Variants in KIF19 observed in about 807,000 individuals in gnomAD.
KIF19 encodes the protein kinesin-like protein KIF19.
KIF19 carries 98 observed loss-of-function variants against 106.6 expected under a neutral mutation model. That is an observed-to-expected ratio of 0.92 (90% CI 0.78 to 1.09). The LOEUF is 1.09. KIF19 is among the 50% of genes least tolerant of loss of function. The pLI is 0.00. For synonymous variants in KIF19, 516 were observed against 584.2 expected, an observed-to-expected ratio of 0.88 and a Z score of 1.68; for missense variants, 1,373 against 1,414.3, an observed-to-expected ratio of 0.97 and a Z score of 0.47.
chr17:74,350,846 G>A lies in KIF19; in HGVS notation c.1528G>A (p.Ala510Thr), dbSNP rs748936194. The A allele has an allele frequency of 3.2e-5, 52 of 1,613,904 alleles. No individual in the cohort carries two copies. Among genetic ancestry groups the A allele is most frequent in the Non-Finnish European group, 3.8e-5 (45 of 1,179,906 alleles). The change falls in exon 12 of 20, where the codon GCA (alanine) becomes ACA (threonine). Residue 510 changes from alanine (A) to threonine (T), a missense_variant. By Grantham distance (58) the Ala-to-Thr change is moderately conservative. Coordinates refer to ENST00000389916, the MANE Select transcript of KIF19 (RefSeq NM_153209.4). ...PDILEPPEVA[A>T]ARESIAALVD... ...CATCCTGGAGCCACCCGAGGTGGCC[G>A]CAGCCCGGGAGAGCATTGCAGCCCT...
intron 8 of KIF19, among the ~76,000 whole-genome samples, chr17:74,347,099 T>G (rs2054553942): frequency 6.6e-6 from 1 of 152,210 alleles, no homozygotes; most frequent in South Asian, 2.1e-4. Flanking sequence ...CTCACACTAG[T>G]AAGTGCTGAA....
At chr17:74,351,110 C>T in intron 12 of KIF19, 1 of 596,646 alleles carries the variant, frequency 1.7e-6, no homozygotes, top group Non-Finnish European at 3.0e-6. Flanking sequence ...ATGGTGCAGC[C>T]CTCATGGGGT....
rs867199167 is a variant in KIF19 at position 74,354,924 on chromosome 17, C to A, written c.2849C>A (p.Pro950His). ...CTACCTTTGGCCAAAGTCAAACTCC[C>A]TCCAAGCCAGAACACGGGTCAGTAT... ...VTLPLAKVKL[P>H]PSQNTGPGDS... The change falls in exon 19 of 20, where the codon CCT becomes CAT. Residue 950 changes from proline (P) to histidine (H), a missense_variant. Around this residue, in one of 3 missense-constraint regions of KIF19, gnomAD observed 1,020 missense variants for 1,008.2 expected, o/e 1.01. Transcript: ENST00000389916. 6.3e-7 allele frequency: 1 copy of A among 1,579,286 alleles called. No individual in the cohort carries two copies. Among genetic ancestry groups the A allele is most frequent in the South Asian group, 1.2e-5 (1 of 86,036 alleles).
At position 74,339,487 on chromosome 17, in the gene KIF19, C is replaced by T. The variant is rs796892665; in HGVS notation, c.121-2389C>T. Among the ~76,000 whole-genome samples, 4 of 149,620 alleles carry T rather than the reference C, an allele frequency of 2.7e-5. No individual in the cohort carries two copies. The East Asian group carries it at 7.9e-4, about 30-fold the overall frequency. On this transcript the variant is annotated intron_variant, in intron 2 of 19. Transcript: ENST00000389916. ...CCACTGAAAGAGGGGACCGATGAGA[C>T]ACCCATTCCCTACCTCCCTCGCCCC...
chr17:74,355,068 A>G, intron 19 of KIF19, 114 bp from the exon 20 acceptor site: 1 of 1,538,788 alleles, frequency 6.5e-7, no homozygotes, highest in Middle Eastern at 1.7e-4. Flanking sequence ...CAGAATACTC[A>G]TGGGACTGGC....
At chr17:74,343,736 G>A (rs535249044) in intron 5 of KIF19, among the ~76,000 whole-genome samples, 1 of 152,346 alleles carries the variant, frequency 6.6e-6, no homozygotes, top group African/African-American at 2.4e-5. Flanking sequence ...ACCAGCAGCT[G>A]CTGGCCAACA....
At chr17:74,347,476 G>A (rs1012233012) in intron 8 of KIF19, among the ~76,000 whole-genome samples, 13 of 151,430 alleles carry the variant, frequency 8.6e-5, no homozygotes, top group African/African-American at 2.9e-4. Flanking sequence ...GGTGGAGGTT[G>A]CAGTGAGCTG....
At chr17:74,344,429 GGGAGCTGCTCCCCACTCGGCTGA>G in intron 6 of KIF19, 81 bp downstream of exon 6, 1 of 1,546,548 alleles carries the variant, frequency 6.5e-7, no homozygotes, top group Non-Finnish European at 8.7e-7. Flanking sequence ...ACAGAAGCCA[GGGAGCTGCTCCCCACTCGGCTGA>G]GGCTGGGACA....
chr17:74,354,555 A>G lies in KIF19; in HGVS notation c.2702A>G (p.Gln901Arg). 6.3e-7 allele frequency: 1 copy of G among 1,593,432 alleles called. No individual in the cohort carries two copies. The highest frequency in any genetic ancestry group is 8.5e-7 in the Non-Finnish European group (1 of 1,171,402). The change falls in exon 18 of 20, where the codon CAA becomes CGA. Residue 901 changes from glutamine (Q) to arginine (R), a missense_variant. Physicochemically the swap from Gln to Arg is conservative, Grantham distance 43. This residue lies in a region of KIF19 where 1,020 missense variants were observed against 1,008.2 expected (regional missense o/e 1.01). Coordinates refer to ENST00000389916, the MANE Select transcript of KIF19 (RefSeq NM_153209.4). ...TCCCGATCCTTCGAGGTCACCGGGC[A>G]AGGGGTGAGGCGAGGCGCAGGGGTG... ...RRSRSFEVTG[Q>R]GLSHPKTHLL...
chr17:74,340,657 C>T (rs1156329290), intron 2 of KIF19, among the ~76,000 whole-genome samples: 2 of 152,250 alleles, frequency 1.3e-5, no homozygotes, highest in African/African-American at 4.8e-5. Context: ...CAGCCCAAGC[C>T]CCTCTGCCTC....
rs539788995 is a variant in KIF19 at position 74,331,522 on chromosome 17, T to G, written c.120+3017T>G. Among the ~76,000 whole-genome samples, 5 of 152,010 alleles carry G rather than the reference T, an allele frequency of 3.3e-5. 1 individual carries two copies. The South Asian group carries it at 1.0e-3, about 32-fold the overall frequency. ...GGACATTCCCACAGGCGGAGAGTCC[T>G]CTGGGACAGGAACCCAGGGTGCTTG... is the stretch of plus-strand genomic sequence containing the variant. On this transcript the variant is annotated intron_variant, in intron 2 of 19. Coordinates refer to ENST00000389916, the MANE Select transcript of KIF19 (RefSeq NM_153209.4). The surrounding 1 kb of genome is among the most constrained non-coding windows in gnomAD (Gnocchi z 4.1).
intron 5 of KIF19, 33 bp downstream of exon 5, chr17:74,343,193 G>C: frequency 6.2e-7 from 1 of 1,606,504 alleles, no homozygotes; most frequent in Non-Finnish European, 8.5e-7. Context: ...AGATGGGGCT[G>C]GCCTCCCTCC....
chr17:74,349,079 C>T (rs2054613235), intron 9 of KIF19, 105 bp from the exon 10 acceptor site: 3 of 1,178,844 alleles, frequency 2.5e-6, no homozygotes, highest in Non-Finnish European at 3.7e-6. Context: ...TACTGTCACC[C>T]AGAAAGACTG....
intron 2 of KIF19, among the ~76,000 whole-genome samples, chr17:74,339,447 TCGCCACC>T (rs1463113166): frequency 1.3e-5 from 2 of 151,044 alleles, no homozygotes; most frequent in South Asian, 2.1e-4. Context: ...CCTACCTCCC[TCGCCACC>T]TTCCCTCCCA....
intron 2 of KIF19, among the ~76,000 whole-genome samples, chr17:74,336,485 A>G (rs2054222767): frequency 6.6e-6 from 1 of 151,872 alleles, no homozygotes; most frequent in African/African-American, 2.4e-5. Flanking sequence ...GGCTCCCCCT[A>G]CTCCAATGTG....
chr17:74,336,311 G>A lies in KIF19; in HGVS notation c.121-5565G>A, dbSNP rs574660118. Among the ~76,000 whole-genome samples the A allele has an allele frequency of 1.6e-4, 24 of 152,100 alleles. 1 individual carries two copies. Among genetic ancestry groups the A allele is most frequent in the Admixed American group, 7.9e-4 (12 of 15,278 alleles). ...CTTGAACTCCTGACCTCAGGTGATC[G>A]ACCTCCCAAAGTTCTGGGATTACAG... is the stretch of plus-strand genomic sequence containing the variant. On this transcript the variant is annotated intron_variant, in intron 2 of 19. Coordinates refer to ENST00000389916, the MANE Select transcript of KIF19 (RefSeq NM_153209.4).
At chr17:74,349,447 T>C in intron 10 of KIF19, 98 bp downstream of exon 10, 1 of 1,295,300 alleles carries the variant, frequency 7.7e-7, no homozygotes, top group South Asian at 1.5e-5. Context: ...AATCGGGCTC[T>C]TTCTGGCTGG....
chr17:74,327,340 T>G (rs2053942352), intron 1 of KIF19, among the ~76,000 whole-genome samples: 1 of 152,194 alleles, frequency 6.6e-6, no homozygotes, highest in South Asian at 2.1e-4. Flanking sequence ...TGAAAATCAC[T>G]GGCCTTGGCA....
chr17:74,354,289 G>T lies in KIF19; in HGVS notation c.2436G>T (p.Leu812=), dbSNP rs781424342. ...APATERSSLS[L]HSLSEGDDAR... Reference sequence around the variant, plus strand: ...CGACAGAGCGCAGCAGCCTGTCCCTGCACTCACTGAGCGAGGGCGACGATG... The same window carrying T: ...CGACAGAGCGCAGCAGCCTGTCCCTTCACTCACTGAGCGAGGGCGACGATG... Residue 812 remains leucine, a synonymous_variant, in exon 18 of 20, where the codon CTG becomes CTT. Transcript: ENST00000389916. 1.4e-5 allele frequency: 22 copies of T among 1,608,610 alleles called. No homozygotes were observed. The highest frequency in any genetic ancestry group is 1.9e-5 in the Non-Finnish European group (22 of 1,178,946).
Sources: allele counts gnomAD v4.1 joint callset (sites outside exome capture counted in the v4.1 genomes callset), GRCh38; gene constraint gnomAD v4.1.1; regional missense constraint gnomAD v4.1.1; non-coding constraint Gnocchi (gnomAD v3.1); transcripts MANE v1.5; gene names NCBI Gene and HGNC (gene_info 2026-07-23, HGNC 2026-07-21).